SLC37A1: variants seen among roughly 807,000 people sequenced by gnomAD.
The protein encoded by SLC37A1 is glucose-6-phosphate exchanger SLC37A1.
SLC37A1 carries 49 observed loss-of-function variants against 75.3 expected under a neutral mutation model. The ratio of observed to expected loss-of-function variants is 0.65; its 90% CI spans 0.52 to 0.83. The LOEUF is 0.83. Ranked by LOEUF, SLC37A1 falls within the 40% of genes least tolerant of loss-of-function variation. SLC37A1 has a pLI of 0.00. For missense variants in SLC37A1, 566 were observed against 695.0 expected (o/e 0.81, Z 2.09); for synonymous variants, 268 against 292.1 (o/e 0.92, Z 0.84).
At chr21:42,536,988 A>G (rs1012845524) in intron 5 of SLC37A1, among the ~76,000 whole-genome samples, 17 of 152,302 alleles carry the variant, frequency 1.1e-4, no homozygotes, top group South Asian at 6.2e-4. Flanking sequence ...TTGTTCAGAG[A>G]CAGAGGTCTT....
chr21:42,503,376 A>C (rs148263027), intron 2 of SLC37A1, among the ~76,000 whole-genome samples: 7,924 of 151,110 alleles, frequency 0.052, 651 homozygotes, highest in African/African-American at 0.18. Flanking sequence ...CAGCCTCCCG[A>C]GTACCTGGGA....
intron 17 of SLC37A1, among the ~76,000 whole-genome samples, 188 bp downstream of exon 17, chr21:42,568,626 C>G (rs1018307): frequency 0.23 from 34,568 of 152,094 alleles, 4,896 homozygotes; most frequent in Non-Finnish European, 0.33. Context: ...TGGGTGGCTT[C>G]AGAGAGACGG....
At chr21:42,557,191 T>G (rs186818275) in intron 10 of SLC37A1, among the ~76,000 whole-genome samples, 1 of 152,222 alleles carries the variant, frequency 6.6e-6, no homozygotes, top group African/African-American at 2.4e-5. Context: ...TGGCTGCATT[T>G]CACCCACTGC....
intron 4 of SLC37A1, 39 bp downstream of exon 4, chr21:42,534,869 T>C (rs755281224): frequency 6.2e-7 from 1 of 1,600,316 alleles, no homozygotes; most frequent in South Asian, 1.1e-5. Context: ...CCGAAGCGGC[T>C]GTCCTTCCAG....
At position 42,562,459 on chromosome 21, in the gene SLC37A1, G is replaced by A. The variant is rs377481641; in HGVS notation, c.1072+291G>A. On this transcript the variant is annotated intron_variant, in intron 12 of 19. Coordinates refer to ENST00000352133, the MANE Select transcript of SLC37A1 (RefSeq NM_001320537.2). ...GTTCTGGGGCAGCCTGCGTTTAAACGTGGGCTACACTGAACTTTGGATCAT... is the reference window on the plus strand; with the variant it reads ...GTTCTGGGGCAGCCTGCGTTTAAACATGGGCTACACTGAACTTTGGATCAT... Among the ~76,000 whole-genome samples, 135 of 152,298 alleles carry A rather than the reference G, an allele frequency of 8.9e-4. 1 individual carries two copies. The highest frequency in any genetic ancestry group is 2.9e-3 in the African/African-American group (122 of 41,556).
intron 9 of SLC37A1, among the ~76,000 whole-genome samples, chr21:42,551,236 C>T (rs1347571045): frequency 6.6e-6 from 1 of 152,174 alleles, no homozygotes; most frequent in Non-Finnish European, 1.5e-5. Flanking sequence ...GACCAGTATA[C>T]AAAAATCAAT....
chr21:42,568,082 CAG>C (rs1006252479), intron 16 of SLC37A1, among the ~76,000 whole-genome samples: 1 of 152,262 alleles, frequency 6.6e-6, no homozygotes, highest in Non-Finnish European at 1.5e-5. Context: ...TCTGGGGCCT[CAG>C]GGAGGAGCAG....
chr21:42,529,126 TATG>T (rs2054875242), intron 3 of SLC37A1, among the ~76,000 whole-genome samples: 1 of 152,212 alleles, frequency 6.6e-6, no homozygotes, highest in South Asian at 2.1e-4. Flanking sequence ...ATAATCAAAT[TATG>T]ATATTACATG....
chr21:42,539,468 G>C, intron 5 of SLC37A1, 44 bp from the exon 6 acceptor site: 1 of 1,576,450 alleles, frequency 6.3e-7, no homozygotes. Context: ...TAACATTCGG[G>C]CGTGTTTGTT....
chr21:42,509,221 T>A (rs2054412456), upstream of SLC37A1: 1 of 152,234 alleles, frequency 6.6e-6, no homozygotes, highest in Non-Finnish European at 1.5e-5. The surrounding 1 kb of genome is among the most constrained non-coding windows in gnomAD (Gnocchi z 4.2). Context: ...GAGTAAACTA[T>A]GATTTTTATG....
intron 3 of SLC37A1, among the ~76,000 whole-genome samples, chr21:42,528,561 C>T (rs1227928771): frequency 6.6e-6 from 1 of 152,240 alleles, no homozygotes; most frequent in Non-Finnish European, 1.5e-5. Flanking sequence ...CGCAGTGGCT[C>T]ACGCCTGTAA....
At chr21:42,530,654 A>ACACACACACACACCCCCCC in intron 3 of SLC37A1, among the ~76,000 whole-genome samples, 1 of 35,880 alleles carries the variant, frequency 2.8e-5, no homozygotes, top group Non-Finnish European at 5.2e-5. Context: ...ACACACACAC[A>ACACACACACACACCCCCCC]CCCCCTCTGT....
At position 42,564,893 on chromosome 21, in the gene SLC37A1, T is replaced by C. The variant is rs2055935920; in HGVS notation, c.1221+100T>C. The C allele has an allele frequency of 2.2e-5, 25 of 1,154,540 alleles. No homozygotes were observed. The South Asian group carries it at 3.1e-4, about 14-fold the overall frequency. 71.5% of individuals were successfully genotyped at this position (1,154,540 alleles called of 1,614,324 possible). Reference sequence around the variant, plus strand: ...CTTCCATCTGGCCCGTGCTCCACTTTCCTGACAAGCCCGCTTCATTCCCTC... The same window carrying C: ...CTTCCATCTGGCCCGTGCTCCACTTCCCTGACAAGCCCGCTTCATTCCCTC... On this transcript the variant is annotated intron_variant, in intron 14 of 19. Coordinates refer to ENST00000352133, the MANE Select transcript of SLC37A1 (RefSeq NM_001320537.2).
intron 3 of SLC37A1, among the ~76,000 whole-genome samples, chr21:42,530,654 A>ACACACACACACACACCCCC (rs1161313598): frequency 1.7e-4 from 6 of 35,878 alleles, no homozygotes; most frequent in Non-Finnish European, 2.6e-4. Context: ...ACACACACAC[A>ACACACACACACACACCCCC]CCCCCTCTGT....
chr21:42,558,925 T>C (rs2055756662), intron 10 of SLC37A1, 33 bp from the exon 11 acceptor site: 1 of 1,613,024 alleles, frequency 6.2e-7, no homozygotes, highest in Admixed American at 1.7e-5. Context: ...TGGTAACACC[T>C]TTCCTTTTTG....
chr21:42,512,217 A>C (rs971048721), upstream of SLC37A1, among the ~76,000 whole-genome samples: 60 of 106,332 alleles, frequency 5.6e-4, 1 homozygote, highest in Admixed American at 1.4e-4. Context: ...CGTCAGTACA[A>C]CTGGGTGGGG....
chr21:42,531,740 G>A (rs928279385), intron 3 of SLC37A1, among the ~76,000 whole-genome samples: 2 of 147,334 alleles, frequency 1.4e-5, no homozygotes, highest in African/African-American at 5.1e-5. Flanking sequence ...TCTCTGGAAC[G>A]CCACGTTTGG....
chr21:42,562,767 C>T (rs1373159956), intron 12 of SLC37A1, among the ~76,000 whole-genome samples: 1 of 86,538 alleles, frequency 1.2e-5, no homozygotes, highest in Non-Finnish European at 2.7e-5. Flanking sequence ...AATTGGAACC[C>T]TGGCTGAGAG....
At chr21:42,516,491 G>A (rs9985068) in intron 1 of SLC37A1, among the ~76,000 whole-genome samples, 5,275 of 152,256 alleles carry the variant, frequency 0.035, 309 homozygotes, top group African/African-American at 0.12. Context: ...GGTCTTTAGT[G>A]GTGCTGCACA....
Sources: gnomAD v4.1 joint callset for allele counts (sites outside exome capture counted in the v4.1 genomes callset) on GRCh38, gnomAD v4.1.1 for gene constraint, Gnocchi (gnomAD v3.1) non-coding constraint, MANE v1.5 for transcripts, NCBI Gene and HGNC (gene_info 2026-07-23, HGNC 2026-07-21) for gene names.